ARHGAP12: variants seen among roughly 807,000 people sequenced by gnomAD.
The protein encoded by ARHGAP12 is Rho GTPase activating protein 12, also known as rho GTPase-activating protein 12.
In ARHGAP12, 64 loss-of-function variants were observed where a neutral mutation model predicts 108.6. The observed-to-expected ratio is 0.59, with a 90% CI of 0.48 to 0.73. The LOEUF (loss-of-function observed/expected upper bound fraction) is 0.73. Among genes scored for constraint, ARHGAP12 ranks in the 30% least tolerant of loss-of-function variants. ARHGAP12 has a pLI of 0.00. For synonymous variants in ARHGAP12, 312 were observed against 337.2 expected (o/e 0.93, Z 0.82); for missense variants, 940 against 1,005.9 (o/e 0.93, Z 0.89).
At chr10:31,820,157 T>C (rs529219617) in intron 12 of ARHGAP12, among the ~76,000 whole-genome samples, 103 of 152,174 alleles carry the variant, frequency 6.8e-4, no homozygotes, top group African/African-American at 2.3e-3. Context: ...TGGCAAAAGA[T>C]AGGATTTGTG....
chr10:31,854,356 C>A lies in ARHGAP12; in HGVS notation c.949-150G>T, dbSNP rs1836810043. ...TGATTTTGAAAATAAATTGATAAGTCTTTAAATGGTACATTGTAAGAGGTG... is the reference window on the plus strand; with the variant it reads ...TGATTTTGAAAATAAATTGATAAGTATTTAAATGGTACATTGTAAGAGGTG... On this transcript the variant is annotated intron_variant, in intron 4 of 19. Transcript: ENST00000344936. The A allele has an allele frequency of 8.0e-6, 6 of 749,990 alleles. No individual in the cohort carries two copies. In the East Asian group the frequency reaches 1.5e-4, roughly 18 times the overall value. 46.5% of individuals were successfully genotyped at this position (749,990 alleles called of 1,614,324 possible).
chr10:31,911,413 C>T (rs1043004944), intron 1 of ARHGAP12, among the ~76,000 whole-genome samples: 1 of 152,198 alleles, frequency 6.6e-6, no homozygotes, highest in Admixed American at 6.5e-5. Context: ...CTCCTGGGCT[C>T]AAGCAATTTT....
chr10:31,900,444 A>T (rs1016214109), intron 3 of ARHGAP12, among the ~76,000 whole-genome samples: 3 of 152,226 alleles, frequency 2.0e-5, no homozygotes, highest in African/African-American at 7.2e-5. Context: ...AAAAACTGGA[A>T]GCAACCAAGA....
At chr10:31,882,061 C>T (rs1222746473) in intron 3 of ARHGAP12, among the ~76,000 whole-genome samples, 3 of 151,398 alleles carry the variant, frequency 2.0e-5, no homozygotes, top group Non-Finnish European at 4.4e-5. Flanking sequence ...ACTACAGGCG[C>T]CCGCCACTAC....
chr10:31,893,783 G>A (rs1281100047), intron 3 of ARHGAP12, among the ~76,000 whole-genome samples: 1 of 152,044 alleles, frequency 6.6e-6, no homozygotes, highest in African/African-American at 2.4e-5. Flanking sequence ...GCCTGGCAGA[G>A]ACACAACAAA....
At chr10:31,922,993 T>C (rs529414661) in intron 1 of ARHGAP12, among the ~76,000 whole-genome samples, 22 of 152,170 alleles carry the variant, frequency 1.4e-4, no homozygotes, top group Middle Eastern at 3.4e-3. Flanking sequence ...TAGCTGGGCA[T>C]GGTGCCACAC....
intron 1 of ARHGAP12, among the ~76,000 whole-genome samples, chr10:31,921,763 CAAA>C (rs57420280): frequency 1.7e-3 from 65 of 37,874 alleles, no homozygotes; most frequent in Middle Eastern, 0.077. Context: ...GGCTCCATCT[CAAA>C]AAAAAAAAAA....
At chr10:31,873,884 G>T (rs934959318) in intron 3 of ARHGAP12, among the ~76,000 whole-genome samples, 1 of 152,114 alleles carries the variant, frequency 6.6e-6, no homozygotes, top group African/African-American at 2.4e-5. Context: ...ACATTATGCT[G>T]AGATAGTAAG....
intron 3 of ARHGAP12, among the ~76,000 whole-genome samples, chr10:31,875,379 T>C (rs920161736): frequency 1.3e-5 from 2 of 152,144 alleles, no homozygotes; most frequent in East Asian, 3.8e-4. Flanking sequence ...CACAGATATT[T>C]TGGGTTCAGT....
intron 10 of ARHGAP12, among the ~76,000 whole-genome samples, chr10:31,831,399 A>C (rs1835828233): frequency 6.6e-6 from 1 of 152,166 alleles, no homozygotes; most frequent in Non-Finnish European, 1.5e-5. Context: ...TGGGGAGGGG[A>C]AGTAATGCCG....
chr10:31,882,820 GA>G (rs60532023), intron 3 of ARHGAP12, among the ~76,000 whole-genome samples: 51,839 of 130,300 alleles, frequency 0.4, 9,070 homozygotes, highest in East Asian at 0.72. Flanking sequence ...CTCTTAAAAA[GA>G]AAAAAAAAAA....
intron 12 of ARHGAP12, 135 bp downstream of exon 12, chr10:31,820,252 C>T (rs1002795455): frequency 1.7e-6 from 1 of 577,750 alleles, no homozygotes; most frequent in South Asian, 3.4e-5. Flanking sequence ...TCTTAAATTA[C>T]AATACCATCT....
At chr10:31,865,435 T>C (rs1837286347) in intron 3 of ARHGAP12, among the ~76,000 whole-genome samples, 1 of 152,076 alleles carries the variant, frequency 6.6e-6, no homozygotes, top group African/African-American at 2.4e-5. Context: ...CTACAGTTAA[T>C]GTCAAGATGA....
intron 3 of ARHGAP12, among the ~76,000 whole-genome samples, chr10:31,896,194 A>T (rs1393867419): frequency 1.3e-5 from 2 of 151,974 alleles, no homozygotes; most frequent in Non-Finnish European, 2.9e-5. Flanking sequence ...CATATGTAAC[A>T]AACCTGCACA....
chr10:31,896,241 A>G (rs1472024860), intron 3 of ARHGAP12, among the ~76,000 whole-genome samples: 1 of 150,736 alleles, frequency 6.6e-6, no homozygotes, highest in Non-Finnish European at 1.5e-5. Context: ...AGTATAATAA[A>G]AATATATATA....
At chr10:31,823,001 T>C (rs1434371250) in intron 11 of ARHGAP12, among the ~76,000 whole-genome samples, 1 of 152,030 alleles carries the variant, frequency 6.6e-6, no homozygotes, top group African/African-American at 2.4e-5. Flanking sequence ...CAAATGAATG[T>C]TTGAATAACT....
At chr10:31,839,902 T>C (rs983498949) in intron 7 of ARHGAP12, among the ~76,000 whole-genome samples, 191 bp from the exon 8 acceptor site, 1 of 152,230 alleles carries the variant, frequency 6.6e-6, no homozygotes, top group African/African-American at 2.4e-5. Flanking sequence ...TTATAAAATA[T>C]GGTGCTTTTT....
intron 1 of ARHGAP12, chr10:31,913,634 C>CA (rs111394509): frequency 0.02 from 1,816 of 92,492 alleles, 30 homozygotes; most frequent in African/African-American, 0.053. Flanking sequence ...CCTGATGCTG[C>CA]AAAAAAAAAA....
intron 13 of ARHGAP12, among the ~76,000 whole-genome samples, chr10:31,817,223 G>A (rs183865804): frequency 1.3e-5 from 2 of 152,032 alleles, no homozygotes; most frequent in East Asian, 1.9e-4. Flanking sequence ...AAAAAGTACA[G>A]CTCCCAGCTG....
Sources: gnomAD v4.1 joint callset for allele counts (sites outside exome capture counted in the v4.1 genomes callset) on GRCh38, gnomAD v4.1.1 for gene constraint, MANE v1.5 for transcripts, NCBI Gene and HGNC (gene_info 2026-07-23, HGNC 2026-07-21) for gene names.